The following PRKG1 variants were observed in gnomAD, a reference collection of about 807,000 sequenced individuals.
PRKG1 encodes the protein protein kinase cGMP-dependent 1, also known as cGMP-dependent protein kinase 1.
In PRKG1, 35 loss-of-function variants were observed where a neutral mutation model predicts 88.1. The observed-to-expected ratio is 0.40, with a 90% CI of 0.30 to 0.53. The LOEUF (loss-of-function observed/expected upper bound fraction) is 0.53. Ranked by LOEUF, PRKG1 falls within the 20% of genes least tolerant of loss-of-function variation. The pLI is 0.59. For synonymous variants in PRKG1, 303 were observed against 292.5 expected (o/e 1.04, Z -0.37); for missense variants, 540 against 839.8 (o/e 0.64, Z 4.41).
rs1450777068 is a variant in PRKG1 at position 52,059,816 on chromosome 10, A to G, written c.841-2721A>G. 2.0e-5 allele frequency among the ~76,000 whole-genome samples: 3 copies of G among 151,968 alleles called. No individual in the cohort carries two copies. The East Asian group carries it at 5.8e-4, about 29-fold the overall frequency. ...TTACTATATGATAACTTAAAAATTC[A>G]TGTATATTTCTAAATACTGTAACAT... On this transcript the variant is annotated intron_variant, in intron 6 of 17. Transcript: ENST00000373980.
chr10:51,007,233 C>T (rs559541469), intron 1 of PRKG1, among the ~76,000 whole-genome samples: 37 of 152,186 alleles, frequency 2.4e-4, no homozygotes, highest in Admixed American at 2.6e-4. Flanking sequence ...GCATGAGCCA[C>T]TGCGTCCGGC....
intron 3 of PRKG1, chr10:51,697,578 A>G: frequency 1.1e-6 from 1 of 940,970 alleles, no homozygotes; most frequent in Non-Finnish European, 1.6e-6. Context: ...AAATAAGATT[A>G]GGTTCTAGGA....
At chr10:51,544,985 G>GTT (rs1292641063) in intron 3 of PRKG1, among the ~76,000 whole-genome samples, 1 of 146,566 alleles carries the variant, frequency 6.8e-6, no homozygotes, top group African/African-American at 2.5e-5. Flanking sequence ...CCACAATGAG[G>GTT]TTTTTTTTTT....
At chr10:51,955,610 A>AT (rs1358199467) in intron 5 of PRKG1, among the ~76,000 whole-genome samples, 1 of 152,110 alleles carries the variant, frequency 6.6e-6, no homozygotes, top group Admixed American at 6.6e-5. Context: ...TAGTTTTTTA[A>AT]TGTTGTCAAA....
At chr10:51,476,357 T>C (rs1840195759) in intron 3 of PRKG1, among the ~76,000 whole-genome samples, 1 of 152,088 alleles carries the variant, frequency 6.6e-6, no homozygotes, top group Admixed American at 6.6e-5. Flanking sequence ...AGAAGGCAGG[T>C]AAAAAAAGAT....
At chr10:51,999,233 T>A (rs980892615) in intron 5 of PRKG1, among the ~76,000 whole-genome samples, 2 of 152,222 alleles carry the variant, frequency 1.3e-5, no homozygotes, top group African/African-American at 4.8e-5. Flanking sequence ...TACTCCCTTG[T>A]GTCTGCTTCC....
chr10:51,920,523 A>C (rs2132979125), intron 5 of PRKG1, among the ~76,000 whole-genome samples: 1 of 152,278 alleles, frequency 6.6e-6, no homozygotes, highest in South Asian at 2.1e-4. Flanking sequence ...TTTCGTGTCT[A>C]CAGAATAGAG....
chr10:52,244,780 T>A (rs1840968552), intron 9 of PRKG1, among the ~76,000 whole-genome samples: 1 of 143,802 alleles, frequency 7.0e-6, no homozygotes. Flanking sequence ...ATATATACCT[T>A]AATATATATT....
intron 10 of PRKG1, among the ~76,000 whole-genome samples, chr10:52,262,726 C>T (rs1589742910): frequency 1.3e-5 from 2 of 152,180 alleles, no homozygotes; most frequent in African/African-American, 4.8e-5. Context: ...AATACCTCTT[C>T]CTGCTGTGGA....
intron 7 of PRKG1, among the ~76,000 whole-genome samples, chr10:52,112,970 G>T (rs761165400): frequency 6.6e-6 from 1 of 152,154 alleles, no homozygotes; most frequent in African/African-American, 2.4e-5. Flanking sequence ...AAGATTACCT[G>T]AATTTGCATC....
rs116494397 is a variant in PRKG1 at position 52,059,749 on chromosome 10, T to C, written c.841-2788T>C. 9.3e-3 allele frequency among the ~76,000 whole-genome samples: 1,408 copies of C among 151,580 alleles called. 24 individuals carry two copies. The highest frequency in any genetic ancestry group is 0.032 in the African/African-American group (1,302 of 41,216). On this transcript the variant is annotated intron_variant, in intron 6 of 17. Coordinates refer to ENST00000373980, the MANE Select transcript of PRKG1 (RefSeq NM_006258.4). ...TGTGTTTAAGTTCCTACAACTATAT[T>C]CCAAAAAAGAAGTAAATTTTACTAT... is the stretch of plus-strand genomic sequence containing the variant.
intron 3 of PRKG1, among the ~76,000 whole-genome samples, chr10:51,540,166 G>A (rs1007651076): frequency 4.6e-5 from 7 of 152,110 alleles, no homozygotes; most frequent in Admixed American, 2.0e-4. Flanking sequence ...CATATTGCTG[G>A]ATACTCTGGA....
At chr10:51,509,237 C>G (rs917666163) in intron 3 of PRKG1, among the ~76,000 whole-genome samples, 1 of 152,094 alleles carries the variant, frequency 6.6e-6, no homozygotes, top group African/African-American at 2.4e-5. Context: ...AATATGTATG[C>G]CTGTATATTA....
At chr10:52,259,574 T>G (rs1337223235) in intron 10 of PRKG1, among the ~76,000 whole-genome samples, 1 of 152,058 alleles carries the variant, frequency 6.6e-6, no homozygotes, top group Non-Finnish European at 1.5e-5. Context: ...CCATTGTCAT[T>G]GACATATACA....
At chr10:51,277,448 C>T (rs113423012) in intron 2 of PRKG1, among the ~76,000 whole-genome samples, 3 of 151,838 alleles carry the variant, frequency 2.0e-5, no homozygotes, top group Non-Finnish European at 2.9e-5. Context: ...AATGTGGGCT[C>T]TTTTTTGGTT....
chr10:52,254,329 C>T (rs2132405744), intron 10 of PRKG1, among the ~76,000 whole-genome samples: 1 of 152,058 alleles, frequency 6.6e-6, no homozygotes, highest in East Asian at 1.9e-4. Flanking sequence ...AATATCTAAG[C>T]AATAAATCTT....
intron 1 of PRKG1, among the ~76,000 whole-genome samples, chr10:51,024,286 C>T (rs572817988): frequency 6.6e-6 from 1 of 152,262 alleles, no homozygotes; most frequent in South Asian, 2.1e-4. Flanking sequence ...AGGCCCAAAT[C>T]ATAGCCAATG....
In PRKG1 at chr10:51,166,300, G is replaced by A. The variant is rs796708048; in HGVS notation, c.478+12970G>A. On this transcript the variant is annotated intron_variant, in intron 2 of 17. Coordinates refer to ENST00000373980, the MANE Select transcript of PRKG1 (RefSeq NM_006258.4). ...GACTCATCCTTTTGGAAATATGCAC[G>A]TGCAAATGTTTATACTTTGTGCCAA... is the stretch of plus-strand genomic sequence containing the variant. Among the ~76,000 whole-genome samples the A allele has an allele frequency of 1.3e-4, 20 of 151,864 alleles. 1 individual carries two copies. The highest frequency in any genetic ancestry group is 1.8e-4 in the Non-Finnish European group (12 of 67,974).
intron 3 of PRKG1, among the ~76,000 whole-genome samples, chr10:51,588,275 C>A (rs865979406): frequency 6.6e-6 from 1 of 152,154 alleles, no homozygotes; most frequent in South Asian, 2.1e-4. Context: ...ATCATCCATA[C>A]CTTTGACATG....
Sources: gnomAD v4.1 joint callset for allele counts (sites outside exome capture counted in the v4.1 genomes callset) on GRCh38, gnomAD v4.1.1 for gene constraint, MANE v1.5 for transcripts, NCBI Gene and HGNC (gene_info 2026-07-23, HGNC 2026-07-21) for gene names.